LRIG1: variants seen among roughly 807,000 people sequenced by gnomAD.
LRIG1 encodes leucine-rich repeats and immunoglobulin-like domains protein 1.
In LRIG1, 48 loss-of-function variants were observed where a neutral mutation model predicts 99.2. The observed-to-expected ratio is 0.48, with a 90% confidence interval of 0.38 to 0.62. LRIG1 has a LOEUF of 0.62. LRIG1 is among the 20% of genes least tolerant of loss of function. LRIG1 has a pLI of 0.00. For missense variants in LRIG1, 1,646 were observed against 1,434.4 expected (o/e 1.15, Z -2.38); for synonymous variants, 772 against 596.1 (o/e 1.29, Z -4.30).
In LRIG1 at chr3:66,382,293, T is replaced by A. The variant is rs148946048; in HGVS notation, c.2597A>T (p.Asn866Ile). 26 of 1,614,078 alleles carry A rather than the reference T, an allele frequency of 1.6e-5. No individual in the cohort carries two copies. The highest frequency in any genetic ancestry group is 8.5e-7 in the Non-Finnish European group (1 of 1,180,028). The change falls in exon 16 of 19, where the codon AAT becomes ATT. Residue 866 changes from asparagine (N) to isoleucine (I), a missense_variant. Transcript: ENST00000273261. Reference sequence around the variant, plus strand: ...CTTACCATTGCTCTCAATGTGCCCATTGGCCTGAGGGCCACCCTCGGTCCT... The same window carrying A: ...CTTACCATTGCTCTCAATGTGCCCAATGGCCTGAGGGCCACCCTCGGTCCT... ...VVRTEGGPQA[N>I]GHIESNGVCP...
intron 1 of LRIG1, among the ~76,000 whole-genome samples, chr3:66,486,192 C>T (rs2106910043): frequency 6.6e-6 from 1 of 152,234 alleles, no homozygotes; most frequent in African/African-American, 2.4e-5. Context: ...ATTATAGCTA[C>T]CCTTCCTCAA....
chr3:66,449,870 C>T (rs980472709), intron 3 of LRIG1, among the ~76,000 whole-genome samples: 32 of 152,194 alleles, frequency 2.1e-4, no homozygotes, highest in African/African-American at 4.6e-4. Flanking sequence ...CGTGGACAAA[C>T]GGCCAGGGCC....
intron 11 of LRIG1, among the ~76,000 whole-genome samples, chr3:66,396,590 C>T (rs1391675968): frequency 1.3e-5 from 2 of 152,208 alleles, no homozygotes; most frequent in East Asian, 1.9e-4. Context: ...GAAACCCAGG[C>T]AGGAGACCGA....
chr3:66,469,446 A>G (rs143082738), intron 1 of LRIG1, among the ~76,000 whole-genome samples: 12 of 152,314 alleles, frequency 7.9e-5, no homozygotes, highest in African/African-American at 2.9e-4. Flanking sequence ...CTCATTGCCT[A>G]TTTTTACTCC....
At chr3:66,397,016 G>C (rs1559775985) in intron 11 of LRIG1, among the ~76,000 whole-genome samples, 1 of 152,248 alleles carries the variant, frequency 6.6e-6, no homozygotes, top group African/African-American at 2.4e-5. Context: ...GGCTGGAAGA[G>C]GGAAGGCCCT....
In LRIG1 at chr3:66,500,630, A is replaced by C. The variant is rs1298527393; in HGVS notation, c.-223T>G. On this transcript the variant is annotated 5_prime_UTR_variant, in exon 1 of 19. An upstream start codon of the reference 5' UTR is lost. Coordinates refer to ENST00000273261, the MANE Select transcript of LRIG1 (RefSeq NM_015541.3). ...GGCGGGGGCCGCAAACCCCGCGCCC[A>C]TCCGGGCCGGCCGGCCCGCCCGCGC... The C allele has an allele frequency of 3.8e-5, 12 of 312,500 alleles. No homozygotes were observed. The highest frequency in any genetic ancestry group is 5.1e-5 in the Admixed American group (1 of 19,672). The allele number at this position is 312,500 out of a possible 1,614,324, so 19.4% of individuals were successfully genotyped here.
chr3:66,411,153 C>A (rs1317320871), intron 6 of LRIG1, among the ~76,000 whole-genome samples: 1 of 152,180 alleles, frequency 6.6e-6, no homozygotes, highest in Non-Finnish European at 1.5e-5. Flanking sequence ...GCTAGCACCC[C>A]GCTTCCCAAC....
intron 1 of LRIG1, among the ~76,000 whole-genome samples, chr3:66,495,202 G>A (rs1277059521): frequency 6.6e-6 from 1 of 152,164 alleles, no homozygotes; most frequent in African/African-American, 2.4e-5. Context: ...AACAGTAACG[G>A]TCCCTAAATT....
chr3:66,386,171 G>A lies in LRIG1; in HGVS notation c.1599C>T (p.Asp533=). 6.2e-7 allele frequency: 1 copy of A among 1,614,150 alleles called. No homozygotes were observed. Among genetic ancestry groups the A allele is most frequent in the Non-Finnish European group, 8.5e-7 (1 of 1,180,038 alleles). Residue 533 remains aspartate, a synonymous_variant, in exon 13 of 19, where the codon GAC becomes GAT. Coordinates refer to ENST00000273261, the MANE Select transcript of LRIG1 (RefSeq NM_015541.3). The part of the protein sequence containing the change: ...SSPMTFAWKK[D]NEVLTNADME... ...TGTCTGCATTGGTCAGGACTTCATT[G>A]TCTTTCTTCCAGGCAAAGGTCATGG...
At chr3:66,407,276 A>G (rs1702302437) in intron 8 of LRIG1, 72 bp downstream of exon 8, 1 of 1,525,522 alleles carries the variant, frequency 6.6e-7, no homozygotes, top group African/African-American at 1.4e-5. Flanking sequence ...GAGTTCAACA[A>G]AGCAGATGGT....
chr3:66,483,500 G>A (rs934713182), intron 1 of LRIG1, among the ~76,000 whole-genome samples: 1 of 152,252 alleles, frequency 6.6e-6, no homozygotes, highest in Non-Finnish European at 1.5e-5. Flanking sequence ...CTCTGGTCAA[G>A]GAAAGCAGTC....
chr3:66,402,096 T>C (rs1286363970), intron 9 of LRIG1, among the ~76,000 whole-genome samples: 6 of 152,088 alleles, frequency 3.9e-5, no homozygotes, highest in Non-Finnish European at 8.8e-5. Flanking sequence ...CCCCTTCCCA[T>C]GTGCCCTGTG....
chr3:66,463,856 C>A (rs910191494), intron 1 of LRIG1, among the ~76,000 whole-genome samples: 2 of 152,164 alleles, frequency 1.3e-5, no homozygotes, highest in African/African-American at 4.8e-5. Flanking sequence ...AGCTCAGAGA[C>A]GTTCATCTAA....
At chr3:66,382,526 A>AT in intron 15 of LRIG1, 128 bp from the exon 16 acceptor site, 1 of 1,066,676 alleles carries the variant, frequency 9.4e-7, no homozygotes, top group South Asian at 1.4e-5. Flanking sequence ...GAGAGATGAC[A>AT]TGGAGTCCAT....
In LRIG1 at chr3:66,401,808, G is replaced by T. The variant is rs1034908129; in HGVS notation, c.1161-2767C>A. 45 of 528,344 alleles carry T rather than the reference G, an allele frequency of 8.5e-5. 1 individual carries two copies. The South Asian group carries it at 1.5e-3, about 17-fold the overall frequency. The allele number at this position is 528,344 out of a possible 1,614,324, so 32.7% of individuals were successfully genotyped here. On this transcript the variant is annotated intron_variant, in intron 9 of 18. Coordinates refer to ENST00000273261, the MANE Select transcript of LRIG1 (RefSeq NM_015541.3). ...CCAGCACCAACCTGGAACAGAAAGC[G>T]ACCTGCGGGAGTCACCTGTCAAACC...
At chr3:66,426,404 G>A (rs1283601904) in intron 3 of LRIG1, among the ~76,000 whole-genome samples, 1 of 152,236 alleles carries the variant, frequency 6.6e-6, no homozygotes, top group African/African-American at 2.4e-5. Flanking sequence ...ATGGCAACCA[G>A]TTTGTGTTTC....
Position 66,383,081 on chromosome 3 carries a change from T to C in LRIG1, c.2392A>G (p.Ile798Val). ...KDGTTVGIFT[I>V]AVVSSIVLTS... ...AGGACGATGCTGCTCACGACAGCAA[T>C]GGTGAAGATGCCTACCGTGGTCCCA... The change falls in exon 15 of 19, where the codon ATT (isoleucine) becomes GTT (valine). Residue 798 changes from isoleucine to valine, a missense_variant. Coordinates refer to ENST00000273261, the MANE Select transcript of LRIG1 (RefSeq NM_015541.3). The C allele has an allele frequency of 7.4e-6, 12 of 1,614,224 alleles. No homozygotes were observed. Among genetic ancestry groups the C allele is most frequent in the South Asian group, 1.1e-5 (1 of 91,082 alleles).
chr3:66,404,111 G>C (rs1177144393), intron 9 of LRIG1: 1 of 494,080 alleles, frequency 2.0e-6, no homozygotes, highest in East Asian at 6.9e-5. Context: ...CGCTCAAGAA[G>C]TACCTTCTTC....
intron 12 of LRIG1, among the ~76,000 whole-genome samples, chr3:66,390,471 A>G (rs1701576194): frequency 6.6e-6 from 1 of 152,208 alleles, no homozygotes; most frequent in African/African-American, 2.4e-5. Context: ...TTAAGAAGCT[A>G]AGAAAAAAGG....
Sources: gnomAD v4.1 joint callset for allele counts (sites outside exome capture counted in the v4.1 genomes callset) on GRCh38, gnomAD v4.1.1 for gene constraint, MANE v1.5 for transcripts, NCBI Gene and HGNC (gene_info 2026-07-23, HGNC 2026-07-21) for gene names.